The following AVPR1B variants were observed in gnomAD, a reference collection of about 807,000 sequenced individuals.
The protein encoded by AVPR1B is vasopressin V1b receptor.
In AVPR1B, 25 loss-of-function variants were observed where a neutral mutation model predicts 27.5. The ratio of observed to expected loss-of-function variants is 0.91; its 90% confidence interval spans 0.66 to 1.27. The LOEUF is 1.27. Ranked by LOEUF, AVPR1B falls within the 50% of genes most tolerant of loss-of-function variation. The pLI is 0.00. For missense variants in AVPR1B, 595 were observed against 556.9 expected, an observed-to-expected ratio of 1.07 and a Z score of -0.69; for synonymous variants, 248 against 240.2, an observed-to-expected ratio of 1.03 and a Z score of -0.30.
intron 1 of AVPR1B, among the ~76,000 whole-genome samples, chr1:206,114,814 G>C (rs1055806982): frequency 6.6e-6 from 1 of 152,202 alleles, no homozygotes; most frequent in Non-Finnish European, 1.5e-5. Flanking sequence ...GGCAAGTCAT[G>C]GTTCTGAGGC....
chr1:206,116,695 G>A lies in AVPR1B; in HGVS notation c.196C>T (p.Arg66Cys), dbSNP rs1553290605. The change falls in exon 1 of 2, where the codon CGC becomes TGC. Residue 66 changes from arginine to cysteine, a missense_variant. Transcript: ENST00000367126. The part of the protein sequence containing the change: ...LLTLGQLGRK[R>C]SRMHLFVLHL... ...AGCACGAACAGGTGCATGCGGGAGC[G>A]CTTGCGGCCCAGCTGGCCCAGGGTC... 1.3e-5 allele frequency: 21 copies of A among 1,608,168 alleles called. No individual in the cohort carries two copies. The highest frequency in any genetic ancestry group is 2.2e-5 in the East Asian group (1 of 44,798).
rs781875790 is a variant in AVPR1B, at chr1:206,110,279, TAGGCTG to T, written c.1179_1184del (p.Ser394_Leu395del). On this transcript the variant is annotated inframe_deletion, in exon 2 of 2. Transcript: ENST00000367126. ...CAGGCCTGGGCCTCCCACTGAGGGT[TAGGCTG>T]AGGCTGAGGCTGAGGGTGGCCGGGC... The T allele has an allele frequency of 1.2e-6, 2 of 1,613,962 alleles. No homozygotes were observed. The highest frequency in any genetic ancestry group is 1.7e-6 in the Non-Finnish European group (2 of 1,179,992).
At chr1:206,112,454 C>T (rs891486363) in intron 1 of AVPR1B, among the ~76,000 whole-genome samples, 1 of 152,114 alleles carries the variant, frequency 6.6e-6, no homozygotes, top group Non-Finnish European at 1.5e-5. Flanking sequence ...CTGAGGCCCT[C>T]GCTAGAAGCA....
chr1:206,111,161 C>T (rs1295420984), intron 1 of AVPR1B, among the ~76,000 whole-genome samples: 1 of 152,156 alleles, frequency 6.6e-6, no homozygotes, highest in Non-Finnish European at 1.5e-5. Context: ...ATCATTGCCC[C>T]CTACAGCCAA....
chr1:206,115,998 A>C lies in AVPR1B; in HGVS notation c.893T>G (p.Phe298Cys). ...LAYIACWAPF[F>C]SVQMWSVWDK... ...CCACACGGACCACATCTGGACACTG[A>C]AGAAGGGAGCCCAGCAAGCGATGTA... is the stretch of plus-strand genomic sequence containing the variant. Residue 298 changes from phenylalanine (F) to cysteine (C), a missense_variant, in exon 1 of 2, where the codon TTC (phenylalanine) becomes TGC (cysteine). By Grantham distance (205) the Phe-to-Cys change is radical. Coordinates refer to ENST00000367126, the MANE Select transcript of AVPR1B (RefSeq NM_000707.5). The C allele has an allele frequency of 6.2e-7, 1 of 1,613,850 alleles. No individual in the cohort carries two copies. The highest frequency in any genetic ancestry group is 8.5e-7 in the Non-Finnish European group (1 of 1,179,822).
At chr1:206,113,321 A>T (rs1438385074) in intron 1 of AVPR1B, among the ~76,000 whole-genome samples, 1 of 150,848 alleles carries the variant, frequency 6.6e-6, no homozygotes, top group East Asian at 1.9e-4. Context: ...AGGGACAAGG[A>T]AACAAGCAGG....
At position 206,115,945 on chromosome 1, in the gene AVPR1B, A is replaced by G; in HGVS notation, c.940+6T>C. On this transcript the variant is annotated splice_donor_region_variant and intron_variant, in intron 1 of 1. Transcript: ENST00000367126. ...ACCTCACTGCCCCCACATAGACCCCACTTGCCTTCATCAGGGGCATTCTTG... is the reference window on the plus strand; with the variant it reads ...ACCTCACTGCCCCCACATAGACCCCGCTTGCCTTCATCAGGGGCATTCTTG... The G allele has an allele frequency of 6.3e-7, 1 of 1,588,670 alleles. No homozygotes were observed. The highest frequency in any genetic ancestry group is 2.2e-5 in the East Asian group (1 of 44,454).
At chr1:206,110,888 T>C (rs1663365814) in intron 1 of AVPR1B, among the ~76,000 whole-genome samples, 2 of 152,212 alleles carry the variant, frequency 1.3e-5, no homozygotes. Flanking sequence ...CCCTAATGGC[T>C]GTAGACCTAG....
intron 1 of AVPR1B, among the ~76,000 whole-genome samples, chr1:206,112,425 T>C (rs1246356048): frequency 1.3e-5 from 2 of 152,304 alleles, no homozygotes; most frequent in Admixed American, 1.3e-4. Context: ...CTTCACCTTC[T>C]GCCATGATTG....
chr1:206,111,875 C>T (rs1175282207), intron 1 of AVPR1B, among the ~76,000 whole-genome samples: 4 of 152,062 alleles, frequency 2.6e-5, no homozygotes, highest in African/African-American at 4.8e-5. Context: ...GTGGGAAGCA[C>T]CTGGAAGTAG....
Position 206,116,393 on chromosome 1 carries a change from G to C in AVPR1B, c.498C>G (p.Leu166=). Residue 166 remains leucine (L), a synonymous_variant, in exon 1 of 2, where the codon CTC becomes CTG. Coordinates refer to ENST00000367126, the MANE Select transcript of AVPR1B (RefSeq NM_000707.5). ...GCAGGGAAAAAATGAAGACTTGAGG[G>C]AGGCTGAAGATGGCGGCCAGCAGCC... ...APWLLAAIFS[L]PQVFIFSLRE... 1 of 1,613,938 alleles carries C rather than the reference G, an allele frequency of 6.2e-7. No individual in the cohort carries two copies.
chr1:206,116,475 G>T lies in AVPR1B; in HGVS notation c.416C>A (p.Pro139His). Residue 139 changes from proline (P) to histidine (H), a missense_variant, in exon 1 of 2, where the codon CCC becomes CAC. Coordinates refer to ENST00000367126, the MANE Select transcript of AVPR1B (RefSeq NM_000707.5). ...GCCTGGCTGCTGGAGGCTGCGCAGG[G>T]GGTGACAGACAGCCAGGTAGCGGTC... ...TLDRYLAVCHPLRSLQQPGQS... is the reference protein window; with the variant it reads ...TLDRYLAVCHHLRSLQQPGQS... 6.2e-7 allele frequency: 1 copy of T among 1,614,006 alleles called. No homozygotes were observed. Among genetic ancestry groups the T allele is most frequent in the Non-Finnish European group, 8.5e-7 (1 of 1,180,010 alleles).
chr1:206,110,099 T>C lies in AVPR1B; in HGVS notation c.*90A>G, dbSNP rs984274791. The stretch of plus-strand genomic sequence containing the variant: ...GACAGGGCTCCTCTAACTCCAACCC[T>C]TACCCTCCCAGCTCTCATTTCCAGT... On this transcript the variant is annotated 3_prime_UTR_variant, in exon 2 of 2. Transcript: ENST00000367126. 4 of 1,425,406 alleles carry C rather than the reference T, an allele frequency of 2.8e-6. No individual in the cohort carries two copies. Among genetic ancestry groups the C allele is most frequent in the Non-Finnish European group, 2.8e-6 (3 of 1,059,970 alleles). 88.3% of individuals were successfully genotyped at this position (1,425,406 alleles called of 1,614,324 possible).
At chr1:206,114,195 G>C (rs1553290201) in intron 1 of AVPR1B, among the ~76,000 whole-genome samples, 1 of 152,126 alleles carries the variant, frequency 6.6e-6, no homozygotes, top group Admixed American at 6.6e-5. Flanking sequence ...AATGAGATCA[G>C]AAACAACAAT....
At chr1:206,112,281 T>C (rs1333831930) in intron 1 of AVPR1B, among the ~76,000 whole-genome samples, 1 of 152,162 alleles carries the variant, frequency 6.6e-6, no homozygotes, top group Non-Finnish European at 1.5e-5. Flanking sequence ...CCCGCAGTGT[T>C]GGACGTGGGC....
Position 206,116,311 on chromosome 1 carries a change from A to C in AVPR1B, c.580T>G (p.Trp194Gly). 1 of 1,613,526 alleles carries C rather than the reference A, an allele frequency of 6.2e-7. No individual in the cohort carries two copies. The highest frequency in any genetic ancestry group is 8.5e-7 in the Non-Finnish European group (1 of 1,180,020). The change falls in exon 1 of 2, where the codon TGG becomes GGG. Residue 194 changes from tryptophan (W) to glycine (G), a missense_variant. By Grantham distance (184) the Trp-to-Gly change is radical. Coordinates refer to ENST00000367126, the MANE Select transcript of AVPR1B (RefSeq NM_000707.5). The part of the protein sequence containing the change: ...LDCWADFGFP[W>G]GPRAYLTWTT... ...CAGGTGAGGTAGGCCCGTGGCCCCC[A>C]AGGGAAGCCGAAGTCTGCCCAGCAG...
rs1663321440 is a variant in AVPR1B, at chr1:206,108,793, G to A, written c.*1396C>T. On this transcript the variant is annotated 3_prime_UTR_variant, in exon 2 of 2. Coordinates refer to ENST00000367126, the MANE Select transcript of AVPR1B (RefSeq NM_000707.5). ...AATTGGGTTGGGGAAGCTATGCCAT[G>A]ATAAAAGTCCCCTGGAGATAATGAG... 6.6e-6 allele frequency among the ~76,000 whole-genome samples: 1 copy of A among 152,188 alleles called. No homozygotes were observed. The highest frequency in any genetic ancestry group is 2.1e-4 in the South Asian group (1 of 4,824).
At position 206,116,291 on chromosome 1, in the gene AVPR1B, G is replaced by A; in HGVS notation, c.600C>T (p.Leu200=). ...FGFPWGPRAY[L]TWTTLAIFVL... ...CGAAGATAGCCAGGGTGGTCCAGGT[G>A]AGGTAGGCCCGTGGCCCCCAAGGGA... Residue 200 remains leucine (L), a synonymous_variant, in exon 1 of 2, where the codon CTC becomes CTT. Transcript: ENST00000367126. 6.2e-7 allele frequency: 1 copy of A among 1,613,590 alleles called. No individual in the cohort carries two copies. The highest frequency in any genetic ancestry group is 8.5e-7 in the Non-Finnish European group (1 of 1,180,028).
rs935315252 is a variant in AVPR1B at position 206,117,059 on chromosome 1, G to A, written c.-169C>T. ...AAATCGTTCAGAGGACTGGGATAGA[G>A]AGGAGGAGGGAGGATGAGATTCGGA... On this transcript the variant is annotated 5_prime_UTR_variant, in exon 1 of 2. Coordinates refer to ENST00000367126, the MANE Select transcript of AVPR1B (RefSeq NM_000707.5). 1.4e-6 allele frequency: 1 copy of A among 692,480 alleles called. No individual in the cohort carries two copies. Among genetic ancestry groups the A allele is most frequent in the South Asian group, 1.8e-5 (1 of 56,706 alleles). The allele number at this position is 692,480 out of a possible 1,614,324, so 42.9% of individuals were successfully genotyped here.
Sources: gnomAD v4.1 joint callset for allele counts (sites outside exome capture counted in the v4.1 genomes callset) on GRCh38, gnomAD v4.1.1 for gene constraint, MANE v1.5 for transcripts, NCBI Gene and HGNC (gene_info 2026-07-23, HGNC 2026-07-21) for gene names.